The following LINGO2 variants were observed in gnomAD, a reference collection of about 807,000 sequenced individuals.
The protein encoded by LINGO2 is leucine-rich repeat and immunoglobulin-like domain-containing nogo receptor-interacting protein 2.
Under a neutral mutation model 30.6 loss-of-function variants are expected in LINGO2, and 14 were observed. The observed-to-expected ratio is 0.46, with a 90% CI of 0.30 to 0.72. LINGO2 has a LOEUF of 0.72. Ranked by LOEUF, LINGO2 falls within the 30% of genes least tolerant of loss-of-function variation. The pLI, the probability that LINGO2 is intolerant of heterozygous loss-of-function variation, is 0.07. For synonymous variants in LINGO2, 317 were observed against 288.5 expected (o/e 1.10, Z -1.00); for missense variants, 729 against 751.7 (o/e 0.97, Z 0.35).
intron 1 of LINGO2, among the ~76,000 whole-genome samples, chr9:28,632,986 CAGCCAGCCCGAG>C (rs1202460986): frequency 1.3e-5 from 2 of 149,606 alleles, no homozygotes; most frequent in East Asian, 3.9e-4. Flanking sequence ...GGAACAAGGA[CAGCCAGCCCGAG>C]AGCCAGCCCA....
At chr9:28,762,895 A>G in the LINGO2 span, among the ~76,000 whole-genome samples, 2 of 152,076 alleles carry the variant, frequency 1.3e-5, no homozygotes, top group Non-Finnish European at 2.9e-5. Context: ...AAGAAGAAAG[A>G]GAGGAAGAGG....
chr9:28,145,345 T>C (rs1432000748), intron 4 of LINGO2, among the ~76,000 whole-genome samples: 2 of 152,242 alleles, frequency 1.3e-5, no homozygotes, highest in African/African-American at 4.8e-5. Context: ...ACTATGAATT[T>C]ATTTGCATAC....
the LINGO2 span, among the ~76,000 whole-genome samples, chr9:28,752,529 T>C: frequency 3.9e-5 from 6 of 152,036 alleles, no homozygotes; most frequent in African/African-American, 1.5e-4. Context: ...GGCATAAATT[T>C]TCCACAGAAG....
At chr9:27,990,781 T>C (rs988798021) in intron 5 of LINGO2, among the ~76,000 whole-genome samples, 1 of 152,066 alleles carries the variant, frequency 6.6e-6, no homozygotes, top group African/African-American at 2.4e-5. Context: ...TACTACATCA[T>C]CTCTGCCTAG....
the LINGO2 span, among the ~76,000 whole-genome samples, chr9:29,191,522 CTTAGT>C: frequency 1.3e-5 from 2 of 151,960 alleles, no homozygotes; most frequent in East Asian, 3.9e-4. Context: ...TCACTCTTGA[CTTAGT>C]TTTGTTGATC....
At chr9:28,876,820 C>T in the LINGO2 span, among the ~76,000 whole-genome samples, 3 of 152,168 alleles carry the variant, frequency 2.0e-5, no homozygotes, top group Admixed American at 6.5e-5. Context: ...CCTGAGGAAT[C>T]GCCACACTGA....
intron 5 of LINGO2, among the ~76,000 whole-genome samples, chr9:27,952,151 T>C (rs1223178147): frequency 6.6e-6 from 1 of 152,072 alleles, no homozygotes; most frequent in Non-Finnish European, 1.5e-5. Context: ...AATAAGTGAC[T>C]TAGAATACTA....
the LINGO2 span, among the ~76,000 whole-genome samples, chr9:28,994,818 G>A: frequency 1.1e-4 from 16 of 152,182 alleles, no homozygotes; most frequent in Admixed American, 7.9e-4. Context: ...CTAGCCATAT[G>A]TAGAAAGCTG....
rs139923809 is a variant in LINGO2, at chr9:28,076,945, T to G, written c.-86-64540A>C. On this transcript the variant is annotated intron_variant, in intron 4 of 5. Transcript: ENST00000379992. ...TATTATTTCATTGTTTGTTCTGGTT[T>G]CCAACAAAAGACATTGGAAATTGTG... Among the ~76,000 whole-genome samples the G allele has an allele frequency of 3.9e-5, 6 of 152,274 alleles. No individual in the cohort carries two copies. In the East Asian group the frequency reaches 1.2e-3, roughly 29 times the overall value.
At chr9:28,317,721 T>C (rs1381533060) in intron 3 of LINGO2, among the ~76,000 whole-genome samples, 2 of 152,162 alleles carry the variant, frequency 1.3e-5, no homozygotes, top group African/African-American at 2.4e-5. Flanking sequence ...AGTGGGTTGA[T>C]AGTAAAAATG....
At chr9:28,101,833 G>A (rs953267307) in intron 4 of LINGO2, among the ~76,000 whole-genome samples, 1 of 152,092 alleles carries the variant, frequency 6.6e-6, no homozygotes, top group Non-Finnish European at 1.5e-5. Flanking sequence ...ATTTAGTTTG[G>A]GGAAGAGAAA....
At chr9:28,105,835 C>T (rs1826573685) in intron 4 of LINGO2, among the ~76,000 whole-genome samples, 2 of 151,984 alleles carry the variant, frequency 1.3e-5, no homozygotes, top group South Asian at 4.2e-4. Context: ...TCACAAGAAA[C>T]CAAATTGACC....
chr9:28,375,089 AACACAC>A (rs137914726), intron 2 of LINGO2, among the ~76,000 whole-genome samples: 14,109 of 141,478 alleles, frequency 0.1, 748 homozygotes, highest in East Asian at 0.22. Context: ...CACACCCCTT[AACACAC>A]ACACACACAC....
the LINGO2 span, among the ~76,000 whole-genome samples, chr9:28,989,109 T>C: frequency 6.6e-6 from 1 of 152,190 alleles, no homozygotes; most frequent in Non-Finnish European, 1.5e-5. Flanking sequence ...TGCTATATTA[T>C]ATCAAGATTA....
the LINGO2 span, among the ~76,000 whole-genome samples, chr9:28,902,520 C>G: frequency 1.4e-4 from 21 of 152,120 alleles, no homozygotes; most frequent in Admixed American, 1.3e-4. Context: ...TTAATCTGCA[C>G]TTTAGGCCAG....
intron 3 of LINGO2, among the ~76,000 whole-genome samples, chr9:28,332,717 T>C (rs779419978): frequency 2.0e-5 from 3 of 151,862 alleles, no homozygotes; most frequent in Non-Finnish European, 4.4e-5. Context: ...ATGAATAGAG[T>C]TTGATTGAAA....
At chr9:29,086,675 T>C in the LINGO2 span, among the ~76,000 whole-genome samples, 3 of 152,182 alleles carry the variant, frequency 2.0e-5, no homozygotes, top group African/African-American at 7.2e-5. Flanking sequence ...CTAATTCTTC[T>C]TCCTTGCAGT....
chr9:28,551,947 T>A (rs2135505511), intron 1 of LINGO2, among the ~76,000 whole-genome samples: 1 of 152,212 alleles, frequency 6.6e-6, no homozygotes, highest in Admixed American at 6.6e-5. Flanking sequence ...ACATTACTTC[T>A]ACTCTTCCTT....
At chr9:28,736,112 TTAAA>T in the LINGO2 span, among the ~76,000 whole-genome samples, 1 of 152,188 alleles carries the variant, frequency 6.6e-6, no homozygotes, top group African/African-American at 2.4e-5. Flanking sequence ...GCTAAAGCAA[TTAAA>T]CAGAACTCAA....
Sources: allele counts gnomAD v4.1 joint callset (sites outside exome capture counted in the v4.1 genomes callset), GRCh38; gene constraint gnomAD v4.1.1; transcripts MANE v1.5; gene names NCBI Gene and HGNC (gene_info 2026-07-23, HGNC 2026-07-21).